The following RHPN1 variants were observed in gnomAD, a reference collection of about 807,000 sequenced individuals.
RHPN1 encodes the protein rhophilin Rho GTPase binding protein 1.
RHPN1 carries 77 observed loss-of-function variants against 74.7 expected under a neutral mutation model. The observed-to-expected ratio is 1.03, with a 90% CI of 0.86 to 1.25. The LOEUF is 1.25. RHPN1 is among the 50% of genes most tolerant of loss of function. The pLI is 0.00. For missense variants in RHPN1, 987 were observed against 932.2 expected (o/e 1.06, Z -0.77); for synonymous variants, 444 against 414.5 (o/e 1.07, Z -0.87).
chr8:143,375,815 G>A (rs1219362838), intron 2 of RHPN1, 147 bp downstream of exon 2: 10 of 606,070 alleles, frequency 1.6e-5, no homozygotes, highest in Admixed American at 9.6e-5. Context: ...CGTAGTACAC[G>A]TGATGCTCAG....
At chr8:143,365,041 GC>G (rs1245633849), upstream of RHPN1, among the ~76,000 whole-genome samples, 1 of 151,992 alleles carries the variant, frequency 6.6e-6, no homozygotes, top group Non-Finnish European at 1.5e-5. Flanking sequence ...AAATACAGGT[GC>G]AAACCCACAC....
chr8:143,366,475 C>T (rs1378330222), upstream of RHPN1, among the ~76,000 whole-genome samples: 3 of 151,860 alleles, frequency 2.0e-5, no homozygotes, highest in Non-Finnish European at 4.4e-5. Flanking sequence ...AACACAGAAG[C>T]ATGCAAAGAA....
At position 143,382,843 on chromosome 8, in the gene RHPN1, C is replaced by G; in HGVS notation, c.*192C>G. 1.7e-6 allele frequency: 1 copy of G among 595,680 alleles called. No homozygotes were observed. The highest frequency in any genetic ancestry group is 2.0e-5 in the South Asian group (1 of 48,812). 36.9% of individuals were successfully genotyped at this position (595,680 alleles called of 1,614,324 possible). On this transcript the variant is annotated 3_prime_UTR_variant, in exon 15 of 15. Coordinates refer to ENST00000289013, the MANE Select transcript of RHPN1 (RefSeq NM_052924.3). ...AGTGATGGGAGCTGTGGCCTCTTCA[C>G]CCACACACAGAAGGATGCCAGTCCC...
At chr8:143,381,376 C>A in intron 12 of RHPN1, 32 bp downstream of exon 12, 1 of 1,577,274 alleles carries the variant, frequency 6.3e-7, no homozygotes, top group African/African-American at 1.3e-5. Context: ...CACCGCCCAG[C>A]ATGGGCAGCT....
Position 143,380,140 on chromosome 8 carries a change from T to C in RHPN1, c.1181T>C (p.Val394Ala). ...ACCTCCTCTAAGCCCCGAGGCCCTG[T>C]GCTGCCGCAGGAGCTGGAGGAGCGC... Reference protein sequence around the residue: ...PPTSSKPRGPVLPQELEERRQ... With the variant: ...PPTSSKPRGPALPQELEERRQ... Residue 394 changes from valine (V) to alanine (A), a missense_variant, in exon 10 of 15, where the codon GTG becomes GCG. By Grantham distance (64) the Val-to-Ala change is moderately conservative (BLOSUM62 0). Transcript: ENST00000289013. 6.5e-7 allele frequency: 1 copy of C among 1,548,992 alleles called. No homozygotes were observed. Among genetic ancestry groups the C allele is most frequent in the East Asian group, 2.4e-5 (1 of 41,036 alleles).
In RHPN1 at chr8:143,378,341, C is replaced by G. The variant is rs763878787; in HGVS notation, c.454C>G (p.Arg152Gly). The change falls in exon 5 of 15, where the codon CGG (arginine) becomes GGG (glycine). Residue 152 changes from arginine (R) to glycine (G), a missense_variant. Transcript: ENST00000289013. Reference protein sequence around the residue: ...EAEIRELEALRQAMRTPSRNE... With the variant: ...EAEIRELEALGQAMRTPSRNE... ...AGAAATCAGGGAGCTGGAGGCCCTG[C>G]GGCAGGTGTGTGGTTCCCCCGCCCA... 1.3e-6 allele frequency: 2 copies of G among 1,549,522 alleles called. No homozygotes were observed. Among genetic ancestry groups the G allele is most frequent in the Non-Finnish European group, 1.7e-6 (2 of 1,147,544 alleles).
chr8:143,382,713 C>A lies in RHPN1; in HGVS notation c.*62C>A. 1 of 1,425,626 alleles carries A rather than the reference C, an allele frequency of 7.0e-7. No individual in the cohort carries two copies. Among genetic ancestry groups the A allele is most frequent in the South Asian group, 1.2e-5 (1 of 80,240 alleles). The allele number at this position is 1,425,626 out of a possible 1,614,324, so 88.3% of individuals were successfully genotyped here. A position where few individuals can be genotyped will look rare whatever the true frequency, so the allele number is the denominator to read the frequency against. Reference sequence around the variant, plus strand: ...GCTGGCAGCAAGCACCGAGCATGCCCTCCCCACCCAGAGGACCTCCGGGCA... The same window carrying A: ...GCTGGCAGCAAGCACCGAGCATGCCATCCCCACCCAGAGGACCTCCGGGCA... On this transcript the variant is annotated 3_prime_UTR_variant, in exon 15 of 15. Transcript: ENST00000289013.
In RHPN1 at chr8:143,378,849, G is replaced by T. The variant is rs1397257952; in HGVS notation, c.584+29G>T. 3.2e-6 allele frequency: 5 copies of T among 1,567,746 alleles called. No homozygotes were observed. In the Admixed American group the frequency reaches 7.5e-5, roughly 23 times the overall value. On this transcript the variant is annotated intron_variant, in intron 6 of 14. Transcript: ENST00000289013. ...GGGGCTCTGCGGGCGGAGGCACCCT[G>T]GGGAGGGGAGGCCCAGCTGCGGGAA... is the stretch of plus-strand genomic sequence containing the variant.
chr8:143,377,593 G>A lies in RHPN1; in HGVS notation c.381+138G>A, dbSNP rs575923885. On this transcript the variant is annotated intron_variant, in intron 4 of 14. Transcript: ENST00000289013. ...AGAGGGAGGGAGGCTTAAAAGGGAC[G>A]CAAGGGACCTGGCAGAAATGGCCAC... The A allele has an allele frequency of 1.7e-4, 110 of 632,448 alleles. 1 individual carries two copies. Among genetic ancestry groups the A allele is most frequent in the Non-Finnish European group, 2.7e-4 (97 of 363,384 alleles). The allele number at this position is 632,448 out of a possible 1,614,324, so 39.2% of individuals were successfully genotyped here.
In RHPN1 at chr8:143,379,090, C is replaced by T. The variant is rs1046669901; in HGVS notation, c.751+12C>T. 58 of 1,483,356 alleles carry T rather than the reference C, an allele frequency of 3.9e-5. No individual in the cohort carries two copies. In the African/African-American group the frequency reaches 8.1e-4, roughly 21 times the overall value. The allele number at this position is 1,483,356 out of a possible 1,614,324, so 91.9% of individuals were successfully genotyped here. A position where few individuals can be genotyped will look rare whatever the true frequency, so the allele number is the denominator to read the frequency against. On this transcript the variant is annotated intron_variant, in intron 7 of 14. Coordinates refer to ENST00000289013, the MANE Select transcript of RHPN1 (RefSeq NM_052924.3). ...CCAGAGGGCCGCTGGTGAGGGCGGCCCGGGCCGCGGTGGGGCACGGCGCGG... is the reference window on the plus strand; with the variant it reads ...CCAGAGGGCCGCTGGTGAGGGCGGCTCGGGCCGCGGTGGGGCACGGCGCGG...
chr8:143,375,807 T>C, intron 2 of RHPN1, 139 bp downstream of exon 2: 1 of 621,306 alleles, frequency 1.6e-6, no homozygotes, highest in South Asian at 2.1e-5. Context: ...GGTGGGCACG[T>C]AGTACACGTG....
intron 12 of RHPN1, 99 bp from the exon 13 acceptor site, chr8:143,381,473 C>T (rs7015558): frequency 0.16 from 235,385 of 1,474,190 alleles, 20,045 homozygotes; most frequent in East Asian, 0.23. Flanking sequence ...TGGAACCCCA[C>T]GGTGTCCCTC....
intron 3 of RHPN1, among the ~76,000 whole-genome samples, chr8:143,377,092 A>G (rs1302196085): frequency 4.2e-5 from 6 of 142,618 alleles, no homozygotes; most frequent in East Asian, 4.3e-4. Context: ...GTGTGCATAT[A>G]TGTGTGTGCG....
chr8:143,381,588 T>C lies in RHPN1; in HGVS notation c.1505T>C (p.Phe502Ser), dbSNP rs1818734776. 6.2e-7 allele frequency: 1 copy of C among 1,609,152 alleles called. No homozygotes were observed. The highest frequency in any genetic ancestry group is 1.3e-5 in the African/African-American group (1 of 74,840). ...CCCTGCCAGGGGCCCCTGTCTGTGTTCTCAGCCAAGAACCGGTGGCGGCTG... is the reference window on the plus strand; with the variant it reads ...CCCTGCCAGGGGCCCCTGTCTGTGTCCTCAGCCAAGAACCGGTGGCGGCTG... ...IFHRLGPLSV[F>S]SAKNRWRLVG... The change falls in exon 13 of 15, where the codon TTC becomes TCC. Residue 502 changes from phenylalanine (F) to serine (S), a missense_variant. Phe to Ser is a radical substitution (Grantham distance 155). Coordinates refer to ENST00000289013, the MANE Select transcript of RHPN1 (RefSeq NM_052924.3).
chr8:143,381,269 T>C lies in RHPN1; in HGVS notation c.1413T>C (p.Pro471=). ...CEAAEAPDIQ[P]KTHQKPEARM... ...AGCTCTGCTCTTACACCCTCTCAGC[T>C]AAGACCCACCAGAAGCCAGAGGCCA... The change falls in exon 12 of 15, where the codon CCT becomes CCC. Residue 471 remains proline (P), a splice_region_variant and synonymous_variant. Coordinates refer to ENST00000289013, the MANE Select transcript of RHPN1 (RefSeq NM_052924.3). 1 of 1,612,758 alleles carries C rather than the reference T, an allele frequency of 6.2e-7. No individual in the cohort carries two copies. Among genetic ancestry groups the C allele is most frequent in the Non-Finnish European group, 8.5e-7 (1 of 1,179,442 alleles).
At position 143,368,981 on chromosome 8, in the gene RHPN1, T is replaced by C. The variant is rs1442552878; in HGVS notation, c.-7T>C. On this transcript the variant is annotated 5_prime_UTR_variant, in exon 1 of 15. Transcript: ENST00000289013. ...CCCGAGGGACCCCCAGCGCAGCGGG[T>C]GCGGCGATGATCCTGGAGGAGAGGC... 7 of 1,477,234 alleles carry C rather than the reference T, an allele frequency of 4.7e-6. No homozygotes were observed. The African/African-American group carries it at 1.0e-4, about 22-fold the overall frequency. The allele number at this position is 1,477,234 out of a possible 1,614,324, so 91.5% of individuals were successfully genotyped here.
intron 1 of RHPN1, among the ~76,000 whole-genome samples, chr8:143,371,796 T>A (rs1320499472): frequency 1.3e-5 from 2 of 152,022 alleles, no homozygotes; most frequent in African/African-American, 4.8e-5. Flanking sequence ...ACCGTGGACG[T>A]GGGGGTGGGG....
chr8:143,382,289 C>G, intron 14 of RHPN1, 147 bp from the exon 15 acceptor site: 1 of 730,382 alleles, frequency 1.4e-6, no homozygotes, highest in African/African-American at 1.8e-5. Flanking sequence ...CCATGGGCCC[C>G]TGCTATGTGG....
chr8:143,377,051 TCTGTGTGTGCGC>T (rs1218065839), intron 3 of RHPN1, among the ~76,000 whole-genome samples: 12 of 51,744 alleles, frequency 2.3e-4, no homozygotes, highest in African/African-American at 6.0e-4. Flanking sequence ...TCTGTGTGTG[TCTGTGTGTGCGC>T]GTGTGTGTGT....
Sources: allele counts gnomAD v4.1 joint callset (sites outside exome capture counted in the v4.1 genomes callset), GRCh38; gene constraint gnomAD v4.1.1; transcripts MANE v1.5; gene names NCBI Gene and HGNC (gene_info 2026-07-23, HGNC 2026-07-21).